The following MID1 variants were observed in gnomAD, a reference collection of about 807,000 sequenced individuals.
MID1 encodes midline 1.
MID1 carries 7 observed loss-of-function variants against 40.4 expected under a neutral mutation model. The ratio of observed to expected loss-of-function variants is 0.17; its 90% CI spans 0.10 to 0.33. MID1 has a LOEUF of 0.33. Among genes scored for constraint, MID1 ranks in the 10% least tolerant of loss-of-function variants. The probability of loss-of-function intolerance (pLI) is 1.00; values close to 1 mark genes in which losing one functional copy is unlikely to be tolerated. For missense variants in MID1, 367 were observed against 558.5 expected, an observed-to-expected ratio of 0.66 and a Z score of 3.46; for synonymous variants, 229 against 221.2, an observed-to-expected ratio of 1.04 and a Z score of -0.31.
chrX:10,509,504 G>A (rs1395824247), intron 3 of MID1, among the ~76,000 whole-genome samples: 5 of 111,348 alleles, frequency 4.5e-5, no homozygotes, highest in African/African-American at 1.3e-4. Flanking sequence ...GACCCACCTC[G>A]ATCGATCTCT....
At chrX:10,547,029 G>A (rs1343370130) in intron 2 of MID1, among the ~76,000 whole-genome samples, 1 of 112,283 alleles carries the variant, frequency 8.9e-6, no homozygotes, top group Non-Finnish European at 1.9e-5. Context: ...AGTGGTTCAC[G>A]CCTATAATCC....
At chrX:10,808,153 AG>A (rs1184019988) in intron 1 of MID1, among the ~76,000 whole-genome samples, 1 of 112,368 alleles carries the variant, frequency 8.9e-6, no homozygotes, top group African/African-American at 3.2e-5. Context: ...TTCTGTTCTC[AG>A]GGAGCTCACA....
Position 10,451,213 on chromosome X carries a change from C to T in MID1, c.1656-1497G>A, listed in dbSNP as rs759229889. 3.5e-4 allele frequency among the ~76,000 whole-genome samples: 39 copies of T among 111,841 alleles called. No homozygotes were observed. In the South Asian group the frequency reaches 0.015, roughly 42 times the overall value. ...ATCCTCTCCTGCTTATGAGGAGAATCCAAGTTGCATTTCCCAGAATCCCCT... is the reference window on the plus strand; with the variant it reads ...ATCCTCTCCTGCTTATGAGGAGAATTCAAGTTGCATTTCCCAGAATCCCCT... On this transcript the variant is annotated intron_variant, in intron 9 of 9. Transcript: ENST00000317552.
At chrX:10,637,313 T>C (rs752878074) in intron 1 of MID1, among the ~76,000 whole-genome samples, 9 of 108,811 alleles carry the variant, frequency 8.3e-5, no homozygotes, top group African/African-American at 2.7e-4. Flanking sequence ...GTCTGCTTTA[T>C]GTATTTTTTT....
intron 7 of MID1, among the ~76,000 whole-genome samples, chrX:10,466,050 G>T (rs973752255): frequency 8.9e-6 from 1 of 111,815 alleles, no homozygotes; most frequent in Admixed American, 9.5e-5. Context: ...TCTTTTTCCG[G>T]TTAGACTATT....
chrX:10,637,464 A>C (rs139627794), intron 1 of MID1, among the ~76,000 whole-genome samples: 1,692 of 109,549 alleles, frequency 0.015, 35 homozygotes, highest in African/African-American at 0.052. Context: ...ATCTCTACTA[A>C]AAATACAAAA....
intron 1 of MID1, among the ~76,000 whole-genome samples, chrX:10,685,640 G>A (rs1215638803): frequency 2.7e-5 from 3 of 111,216 alleles, no homozygotes; most frequent in Non-Finnish European, 5.7e-5. Flanking sequence ...CAGTCCATTA[G>A]CTTTAGATCA....
chrX:10,659,104 AG>A (rs1157126023), intron 1 of MID1, among the ~76,000 whole-genome samples: 3 of 111,977 alleles, frequency 2.7e-5, no homozygotes, highest in African/African-American at 9.7e-5. Flanking sequence ...TAGCCAACAA[AG>A]GATCTCTTGA....
chrX:10,698,150 A>G (rs1304028589), intron 1 of MID1, among the ~76,000 whole-genome samples: 1 of 112,029 alleles, frequency 8.9e-6, no homozygotes, highest in Non-Finnish European at 1.9e-5. Context: ...TTGAGCCATG[A>G]CCTCATCAGG....
chrX:10,664,741 G>A (rs1216264390), intron 1 of MID1, among the ~76,000 whole-genome samples: 1 of 111,665 alleles, frequency 9.0e-6, no homozygotes, highest in African/African-American at 3.3e-5. Flanking sequence ...AACTTGAGCT[G>A]GTAAAGCCTC....
At chrX:10,717,904 G>A (rs887718214) in intron 1 of MID1, among the ~76,000 whole-genome samples, 1 of 111,418 alleles carries the variant, frequency 9.0e-6, no homozygotes, top group Non-Finnish European at 1.9e-5. Flanking sequence ...ACTCAAAACC[G>A]CTCAACTAAA....
chrX:10,827,471 C>CAG (rs58413595), intron 1 of MID1, among the ~76,000 whole-genome samples: 1,036 of 85,080 alleles, frequency 0.012, 11 homozygotes, highest in Middle Eastern at 0.034. Context: ...GCCCACCAGC[C>CAG]AGAGAGAGAG....
chrX:10,803,218 T>C (rs1357355761), intron 1 of MID1, among the ~76,000 whole-genome samples: 1 of 110,593 alleles, frequency 9.0e-6, no homozygotes, highest in East Asian at 2.8e-4. Flanking sequence ...AAAACAACCA[T>C]AGAGATATTT....
At chrX:10,750,819 C>T (rs2043593144) in intron 1 of MID1, among the ~76,000 whole-genome samples, 2 of 110,025 alleles carry the variant, frequency 1.8e-5, no homozygotes, top group Admixed American at 1.9e-4. Flanking sequence ...TAATCCAAGA[C>T]AGCTGATGAG....
chrX:10,629,656 T>C (rs1230198559), intron 1 of MID1, among the ~76,000 whole-genome samples: 1 of 112,259 alleles, frequency 8.9e-6, no homozygotes, highest in African/African-American at 3.2e-5. Context: ...AGAGGAGGAT[T>C]TGGATTTTAG....
intron 1 of MID1, among the ~76,000 whole-genome samples, chrX:10,749,607 A>G: frequency 8.9e-6 from 1 of 112,085 alleles, no homozygotes; most frequent in Middle Eastern, 4.7e-3. Flanking sequence ...TCATGGTCCT[A>G]CAGGCTGTAC....
intron 1 of MID1, among the ~76,000 whole-genome samples, chrX:10,591,684 C>G (rs1189591531): frequency 9.2e-6 from 1 of 108,212 alleles, no homozygotes. Context: ...CTTCCCACCT[C>G]CCCCCCTTCA....
At chrX:10,492,700 G>A (rs1454705113) in intron 4 of MID1, among the ~76,000 whole-genome samples, 1 of 112,120 alleles carries the variant, frequency 8.9e-6, no homozygotes, top group African/African-American at 3.2e-5. Flanking sequence ...TAAAGCCAAA[G>A]CTACTTTGGC....
At chrX:10,641,943 A>C (rs1164053945) in intron 1 of MID1, among the ~76,000 whole-genome samples, 2 of 112,190 alleles carry the variant, frequency 1.8e-5, no homozygotes, top group Non-Finnish European at 3.8e-5. Flanking sequence ...AGATGCAGAA[A>C]AGGCCTTCGA....
Sources: gnomAD v4.1 joint callset for allele counts (sites outside exome capture counted in the v4.1 genomes callset) on GRCh38, gnomAD v4.1.1 for gene constraint, MANE v1.5 for transcripts, NCBI Gene and HGNC (gene_info 2026-07-23, HGNC 2026-07-21) for gene names.